The following SAMMSON variants were observed in gnomAD, a reference collection of about 807,000 sequenced individuals.
SAMMSON encodes survival associated mitochondrial melanoma specific oncogenic non-coding RNA.
At chr3:70,267,551 C>T (rs1254976576) in intron 6 of SAMMSON, among the ~76,000 whole-genome samples, 2 of 150,342 alleles carry the variant, frequency 1.3e-5, no homozygotes, top group Admixed American at 6.6e-5. Context: ...TACAGGCGCC[C>T]GCCACCATGC....
chr3:70,384,567 G>A (rs1703104651), intron 9 of SAMMSON, among the ~76,000 whole-genome samples: 1 of 151,960 alleles, frequency 6.6e-6, no homozygotes, highest in Non-Finnish European at 1.5e-5. Context: ...AAGGGCTTGA[G>A]GCAAATTATT....
chr3:70,176,634 T>G (rs765711570), intron 4 of SAMMSON, among the ~76,000 whole-genome samples: 4 of 152,196 alleles, frequency 2.6e-5, no homozygotes, highest in Non-Finnish European at 5.9e-5. Context: ...AATTCTCTTT[T>G]TCTACCAGAA....
chr3:70,220,443 A>C (rs1701452372), intron 4 of SAMMSON, among the ~76,000 whole-genome samples: 1 of 152,114 alleles, frequency 6.6e-6, no homozygotes, highest in Admixed American at 6.5e-5. Context: ...ACCTCTTAAA[A>C]AAAAAAATTA....
At chr3:70,080,066 C>T (rs2067262450) in intron 4 of SAMMSON, among the ~76,000 whole-genome samples, 1 of 152,192 alleles carries the variant, frequency 6.6e-6, no homozygotes, top group African/African-American at 2.4e-5. Flanking sequence ...GGCTTTTTCA[C>T]CTTCTCTATC....
At chr3:70,299,191 G>A (rs1213895261) in intron 7 of SAMMSON, among the ~76,000 whole-genome samples, 1 of 152,088 alleles carries the variant, frequency 6.6e-6, no homozygotes, top group African/African-American at 2.4e-5. Context: ...ACTATATGTA[G>A]AGCCATTGAA....
intron 4 of SAMMSON, among the ~76,000 whole-genome samples, chr3:70,185,952 G>A (rs1172148384): frequency 6.6e-6 from 1 of 152,036 alleles, no homozygotes; most frequent in Non-Finnish European, 1.5e-5. Context: ...ACTCCAGTCT[G>A]GGCAACAAAG....
intron 2 of SAMMSON, among the ~76,000 whole-genome samples, chr3:70,418,956 TTTCCTTTCCTTTCCTTCCTTCCTTC>T (rs1701287086): frequency 3.2e-5 from 3 of 95,204 alleles, no homozygotes; most frequent in Admixed American, 1.1e-4. Context: ...TTTCCTTTCC[TTTCCTTTCCTTTCCTTCCTTCCTTC>T]TCTCTCTCTC....
In SAMMSON at chr3:70,267,113, G is replaced by A. The variant is rs540523725; in HGVS notation, n.674+17443G>A. Among the ~76,000 whole-genome samples, 5 of 152,200 alleles carry A rather than the reference G, an allele frequency of 3.3e-5. No individual in the cohort carries two copies. In the East Asian group the frequency reaches 9.7e-4, roughly 29 times the overall value. ...AAAATTGCTAGCTGGGGAGGGGGTGGGAAGGAGAATAGGAAGTACCAAGCT... is the reference window on the plus strand; with the variant it reads ...AAAATTGCTAGCTGGGGAGGGGGTGAGAAGGAGAATAGGAAGTACCAAGCT... On this transcript the variant is annotated intron_variant and non_coding_transcript_variant, in intron 6 of 9. Transcript: ENST00000642114.
intron 4 of SAMMSON, among the ~76,000 whole-genome samples, chr3:70,147,180 A>C (rs1325600202): frequency 6.6e-6 from 1 of 152,034 alleles, no homozygotes; most frequent in East Asian, 1.9e-4. Context: ...AACTAAATAA[A>C]TGGAGCTACA....
intron 1 of SAMMSON, among the ~76,000 whole-genome samples, chr3:70,000,291 C>T (rs2066900834): frequency 6.6e-6 from 1 of 152,122 alleles, no homozygotes; most frequent in Non-Finnish European, 1.5e-5. Flanking sequence ...AGCAGCGGGG[C>T]GCTGAAGAAA....
chr3:70,304,375 A>G (rs1361586252), intron 7 of SAMMSON, among the ~76,000 whole-genome samples: 1 of 152,200 alleles, frequency 6.6e-6, no homozygotes, highest in Non-Finnish European at 1.5e-5. Flanking sequence ...TCAAAATAGA[A>G]TAACTCATCT....
At chr3:70,062,699 A>T (rs2067195051) in intron 3 of SAMMSON, among the ~76,000 whole-genome samples, 2 of 150,864 alleles carry the variant, frequency 1.3e-5, no homozygotes, top group South Asian at 4.2e-4. Flanking sequence ...TTCTCACATC[A>T]CTCCTTTCCA....
intron 4 of SAMMSON, among the ~76,000 whole-genome samples, chr3:70,092,391 C>A (rs1304833484): frequency 6.6e-6 from 1 of 151,596 alleles, no homozygotes; most frequent in Non-Finnish European, 1.5e-5. Context: ...CATCATTTTT[C>A]ACCTGGAATA....
chr3:70,344,557 G>T lies in SAMMSON; in HGVS notation n.740-9618G>T, dbSNP rs185187735. On this transcript the variant is annotated intron_variant and non_coding_transcript_variant, in intron 7 of 9. Transcript: ENST00000642114. ...AGACAAGGACCTGGGTATGAAGAGG[G>T]CACTGAGCTGGTTAACACTTAAGCT... 1.7e-3 allele frequency among the ~76,000 whole-genome samples: 255 copies of T among 152,334 alleles called. 1 individual carries two copies. The highest frequency in any genetic ancestry group is 5.5e-3 in the African/African-American group (227 of 41,572).
At chr3:70,385,450 T>C (rs1344280452) in intron 9 of SAMMSON, among the ~76,000 whole-genome samples, 1 of 152,128 alleles carries the variant, frequency 6.6e-6, no homozygotes, top group African/African-American at 2.4e-5. Flanking sequence ...TGTGGAAACT[T>C]ATTCAAAGGT....
chr3:70,160,213 A>C (rs938933327), intron 4 of SAMMSON, among the ~76,000 whole-genome samples: 1 of 151,994 alleles, frequency 6.6e-6, no homozygotes, highest in Non-Finnish European at 1.5e-5. Flanking sequence ...TCAAAAAAAA[A>C]AACCTTGCCT....
At chr3:70,306,834 A>T (rs933719464) in intron 7 of SAMMSON, among the ~76,000 whole-genome samples, 1 of 152,160 alleles carries the variant, frequency 6.6e-6, no homozygotes, top group South Asian at 2.1e-4. Flanking sequence ...CAATACTCTT[A>T]GCTTCACATT....
intron 3 of SAMMSON, among the ~76,000 whole-genome samples, chr3:70,070,537 A>G (rs2107594431): frequency 6.6e-6 from 1 of 152,186 alleles, no homozygotes; most frequent in East Asian, 1.9e-4. Flanking sequence ...TTTATGTTTT[A>G]ATGGAATATT....
intron 4 of SAMMSON, among the ~76,000 whole-genome samples, chr3:70,135,081 C>G (rs2067500208): frequency 6.6e-6 from 1 of 152,060 alleles, no homozygotes; most frequent in South Asian, 2.1e-4. Flanking sequence ...CTTTATTTTT[C>G]TGATAACATG....
Sources: allele counts gnomAD v4.1 joint callset (sites outside exome capture counted in the v4.1 genomes callset), GRCh38; gene constraint gnomAD v4.1.1; transcripts MANE v1.5; gene names NCBI Gene and HGNC (gene_info 2026-07-23, HGNC 2026-07-21).